The following SRRD variants were observed in gnomAD, a reference collection of about 807,000 sequenced individuals.
The protein encoded by SRRD is SRR1 domain containing, also known as SRR1-like protein.
Under a neutral mutation model 30.7 loss-of-function variants are expected in SRRD, and 28 were observed. That is an observed-to-expected ratio of 0.91 (90% CI 0.68 to 1.25). The LOEUF is 1.25. Ranked by LOEUF, SRRD falls within the 50% of genes most tolerant of loss-of-function variation. The pLI is 0.00. For missense variants in SRRD, 415 were observed against 417.3 expected (o/e 0.99, Z 0.05); for synonymous variants, 161 against 159.6 (o/e 1.01, Z -0.07).
At chr22:26,488,563 A>T in intron 4 of SRRD, 75 bp downstream of exon 4, 1 of 1,140,628 alleles carries the variant, frequency 8.8e-7, no homozygotes, top group East Asian at 2.4e-5. Flanking sequence ...GCCTGTGGAC[A>T]CCAGCATTCT....
intron 2 of SRRD, 112 bp downstream of exon 2, chr22:26,486,175 C>T: frequency 6.5e-6 from 8 of 1,229,630 alleles, no homozygotes; most frequent in East Asian, 2.4e-5. Flanking sequence ...TAACGCCGCC[C>T]GCCCCTTACA....
Position 26,492,409 on chromosome 22 carries a change from C to T in SRRD, c.*737C>T. ...ACAGGGCGGTGAGGAGAGGTGTTTC[C>T]AGGTGTATGGAAGTTGACACTGTGG... On this transcript the variant is annotated 3_prime_UTR_variant, in exon 7 of 7. Transcript: ENST00000215917. 6.3e-7 allele frequency: 1 copy of T among 1,588,646 alleles called. No individual in the cohort carries two copies. The highest frequency in any genetic ancestry group is 2.2e-5 in the East Asian group (1 of 44,704).
rs367942266 is a variant in SRRD, at chr22:26,492,392, G to A, written c.*720G>A. ...ACCTAAGATACAGGAGGACAGGGCG[G>A]TGAGGAGAGGTGTTTCCAGGTGTAT... On this transcript the variant is annotated 3_prime_UTR_variant, in exon 7 of 7. Coordinates refer to ENST00000215917, the MANE Select transcript of SRRD (RefSeq NM_001013694.3). The A allele has an allele frequency of 1.2e-6, 2 of 1,605,034 alleles. No individual in the cohort carries two copies. Among genetic ancestry groups the A allele is most frequent in the Non-Finnish European group, 1.7e-6 (2 of 1,172,862 alleles).
rs1921133535 is a variant in SRRD at position 26,491,243 on chromosome 22, G to GT, written c.810+179dup. The GT allele has an allele frequency of 6.5e-6, 5 of 766,442 alleles. No homozygotes were observed. In the East Asian group the frequency reaches 7.9e-5, roughly 12 times the overall value. 47.5% of individuals were successfully genotyped at this position (766,442 alleles called of 1,614,324 possible). Reference sequence around the variant, plus strand: ...CTATGACTCTTTAATGCATCTCTTAGTTTTTTCCTTATTTCCTTTATTCTT... The same window carrying GT: ...CTATGACTCTTTAATGCATCTCTTAGTTTTTTTCCTTATTTCCTTTATTCTT... On this transcript the variant is annotated intron_variant, in intron 6 of 6. Transcript: ENST00000215917.
intron 2 of SRRD, among the ~76,000 whole-genome samples, chr22:26,487,641 G>A (rs767457031): frequency 3.3e-5 from 5 of 152,224 alleles, no homozygotes; most frequent in Non-Finnish European, 7.3e-5. Context: ...GATTACAGGC[G>A]TGAGCACCTG....
At chr22:26,485,894 T>G in intron 1 of SRRD, 129 bp from the exon 2 acceptor site, 1 of 1,020,774 alleles carries the variant, frequency 9.8e-7, no homozygotes, top group East Asian at 2.4e-5. Context: ...CTCCTATCAC[T>G]TGGTAAGGGT....
chr22:26,493,862 A>G lies in SRRD; in HGVS notation c.*2190A>G. 2.4e-6 allele frequency: 1 copy of G among 415,750 alleles called. No individual in the cohort carries two copies. The highest frequency in any genetic ancestry group is 4.5e-6 in the Non-Finnish European group (1 of 223,158). 25.8% of individuals were successfully genotyped at this position (415,750 alleles called of 1,614,324 possible). ...AAGGCCACACAGCACAGTGGTTAAGAGGGCGGGGCCTGGGGTTAGACTGAC... is the reference window on the plus strand; with the variant it reads ...AAGGCCACACAGCACAGTGGTTAAGGGGGCGGGGCCTGGGGTTAGACTGAC... On this transcript the variant is annotated 3_prime_UTR_variant, in exon 7 of 7. Coordinates refer to ENST00000215917, the MANE Select transcript of SRRD (RefSeq NM_001013694.3).
chr22:26,490,850 C>T, intron 5 of SRRD, 175 bp from the exon 6 acceptor site: 1 of 600,746 alleles, frequency 1.7e-6, no homozygotes, highest in Non-Finnish European at 2.9e-6. Flanking sequence ...CTGCGCCTGG[C>T]CCACATTTTC....
chr22:26,488,546 A>C (rs1041162607), intron 4 of SRRD, 58 bp downstream of exon 4: 1 of 1,341,072 alleles, frequency 7.5e-7, no homozygotes, highest in Non-Finnish European at 1.1e-6. Context: ...GACTCACCCC[A>C]GGCCCTGCCT....
Position 26,488,394 on chromosome 22 carries a change from C to T in SRRD, c.515C>T (p.Pro172Leu). 6.2e-7 allele frequency: 1 copy of T among 1,614,100 alleles called. No homozygotes were observed. Among genetic ancestry groups the T allele is most frequent in the South Asian group, 1.1e-5 (1 of 91,068 alleles). Residue 172 changes from proline to leucine, a missense_variant, in exon 4 of 7, where the codon CCC becomes CTC. Coordinates refer to ENST00000215917, the MANE Select transcript of SRRD (RefSeq NM_001013694.3). ...CAACTCATTCTTCCCTTCTAGATTC[C>T]CAGAAGTCACTGTTGGGTATATGAC... ...LLLLLEKCQIPRSHCWVYDPL... is the reference protein window; with the variant it reads ...LLLLLEKCQILRSHCWVYDPL...
intron 4 of SRRD, 86 bp from the exon 5 acceptor site, chr22:26,489,955 CATG>C: frequency 6.9e-7 from 1 of 1,453,466 alleles, no homozygotes; most frequent in African/African-American, 1.4e-5. Context: ...TAGTTTGTCT[CATG>C]ATTATCCCCA....
At chr22:26,488,347 C>T (rs561830035) in intron 3 of SRRD, 43 bp from the exon 4 acceptor site, 1 of 1,613,606 alleles carries the variant, frequency 6.2e-7, no homozygotes, top group South Asian at 1.1e-5. Context: ...TGGGTGCACA[C>T]AGATGTTTGG....
chr22:26,491,925 C>T lies in SRRD; in HGVS notation c.*253C>T. On this transcript the variant is annotated 3_prime_UTR_variant, in exon 7 of 7. Transcript: ENST00000215917. The stretch of plus-strand genomic sequence containing the variant: ...AGTAGCTCCTGAGTAAAGAAGTTAC[C>T]CTTTTGAAGGTGATCTAAAAATACT... 1 of 1,319,788 alleles carries T rather than the reference C, an allele frequency of 7.6e-7. No individual in the cohort carries two copies. The highest frequency in any genetic ancestry group is 1.0e-6 in the Non-Finnish European group (1 of 961,956). The allele number at this position is 1,319,788 out of a possible 1,614,324, so 81.8% of individuals were successfully genotyped here.
chr22:26,494,088 T>A lies in SRRD; in HGVS notation c.*2416T>A. ...TCTGATTCTGTGTCATTTACATGTGTAAAATCTGAAACTTGGGGCCAGGAC... is the reference window on the plus strand; with the variant it reads ...TCTGATTCTGTGTCATTTACATGTGAAAAATCTGAAACTTGGGGCCAGGAC... On this transcript the variant is annotated 3_prime_UTR_variant, in exon 7 of 7. Transcript: ENST00000215917. 1 of 1,601,286 alleles carries A rather than the reference T, an allele frequency of 6.2e-7. No homozygotes were observed. The highest frequency in any genetic ancestry group is 8.5e-7 in the Non-Finnish European group (1 of 1,171,800).
chr22:26,494,422 G>T lies in SRRD; in HGVS notation c.*2750G>T, dbSNP rs770375094. The T allele has an allele frequency of 8.3e-7, 1 of 1,204,206 alleles. No individual in the cohort carries two copies. The highest frequency in any genetic ancestry group is 1.2e-6 in the Non-Finnish European group (1 of 830,564). 74.6% of individuals were successfully genotyped at this position (1,204,206 alleles called of 1,614,324 possible). On this transcript the variant is annotated 3_prime_UTR_variant, in exon 7 of 7. Coordinates refer to ENST00000215917, the MANE Select transcript of SRRD (RefSeq NM_001013694.3). The stretch of plus-strand genomic sequence containing the variant: ...TACAGGCTAGTGACACTACTTTACA[G>T]GGATTTATAGTAGCTAAACAGTCTA...
intron 1 of SRRD, among the ~76,000 whole-genome samples, chr22:26,485,724 T>C (rs1271318572): frequency 6.6e-6 from 1 of 152,176 alleles, no homozygotes; most frequent in Admixed American, 6.5e-5. Flanking sequence ...TTAACAACCA[T>C]TTATTGAGCT....
chr22:26,494,498 G>T lies in SRRD; in HGVS notation c.*2826G>T. 1 of 730,056 alleles carries T rather than the reference G, an allele frequency of 1.4e-6. No individual in the cohort carries two copies. Among genetic ancestry groups the T allele is most frequent in the Non-Finnish European group, 2.2e-6 (1 of 447,070 alleles). 45.2% of individuals were successfully genotyped at this position (730,056 alleles called of 1,614,324 possible). On this transcript the variant is annotated 3_prime_UTR_variant, in exon 7 of 7. Coordinates refer to ENST00000215917, the MANE Select transcript of SRRD (RefSeq NM_001013694.3). The stretch of plus-strand genomic sequence containing the variant: ...TCAGCCTGGTAGCTAAAGTGCCCTT[G>T]CATGTAAACTCTCTGAGCCTCAGCT...
chr22:26,483,973 G>C lies in SRRD; in HGVS notation c.83G>C (p.Arg28Pro). ...AGGCGCTCCGCGGCTCGACGGCCGC[G>C]GCGGAGGGAGGCGGCGCCCCGGGGG... ...RKRRSAARRP[R>P]RREAAPRGRE... The change falls in exon 1 of 7, where the codon CGG (arginine) becomes CCG (proline). Residue 28 changes from arginine (R) to proline (P), a missense_variant. Physicochemically the swap from Arg to Pro is moderately radical, Grantham distance 103. Transcript: ENST00000215917. 2.2e-6 allele frequency: 3 copies of C among 1,365,708 alleles called. No homozygotes were observed. The highest frequency in any genetic ancestry group is 2.8e-6 in the Non-Finnish European group (3 of 1,069,108). 84.6% of individuals were successfully genotyped at this position (1,365,708 alleles called of 1,614,324 possible). A position where few individuals can be genotyped will look rare whatever the true frequency, so the allele number is the denominator to read the frequency against.
Position 26,494,559 on chromosome 22 carries a change from C to T in SRRD, c.*2887C>T. The T allele has an allele frequency of 2.8e-6, 2 of 704,240 alleles. No individual in the cohort carries two copies. The highest frequency in any genetic ancestry group is 4.6e-6 in the Non-Finnish European group (2 of 430,788). 43.6% of individuals were successfully genotyped at this position (704,240 alleles called of 1,614,324 possible). ...CACAACAGGGATACCATATCCCCTA[C>T]CCCATAGGGTTGCTGAGAGGAGCTG... On this transcript the variant is annotated 3_prime_UTR_variant, in exon 7 of 7. Coordinates refer to ENST00000215917, the MANE Select transcript of SRRD (RefSeq NM_001013694.3).
Sources: gnomAD v4.1 joint callset for allele counts (sites outside exome capture counted in the v4.1 genomes callset) on GRCh38, gnomAD v4.1.1 for gene constraint, MANE v1.5 for transcripts, NCBI Gene and HGNC (gene_info 2026-07-23, HGNC 2026-07-21) for gene names.